Variants in SFMBT2 observed in about 807,000 individuals in gnomAD.
SFMBT2 encodes the protein scm-like with four MBT domains protein 2.
A neutral mutation model predicts 110.1 loss-of-function variants in SFMBT2; 38 were observed. That is an observed-to-expected ratio of 0.35 (90% CI 0.27 to 0.45). The LOEUF (loss-of-function observed/expected upper bound fraction) is 0.45. Among genes scored for constraint, SFMBT2 ranks in the 20% least tolerant of loss-of-function variants. The probability of loss-of-function intolerance (pLI) is 1.00; values close to 1 mark genes in which losing one functional copy is unlikely to be tolerated. For missense variants in SFMBT2, 1,011 were observed against 1,094.9 expected, an observed-to-expected ratio of 0.92 and a Z score of 1.08; for synonymous variants, 425 against 425.4, an observed-to-expected ratio of 1.00 and a Z score of 0.01.
chr10:7,173,515 A>G lies in SFMBT2; in HGVS notation c.1985-854T>C, dbSNP rs1233356895. 2.0e-5 allele frequency among the ~76,000 whole-genome samples: 3 copies of G among 152,182 alleles called. 1 individual carries two copies. The highest frequency in any genetic ancestry group is 7.2e-5 in the African/African-American group (3 of 41,430). On this transcript the variant is annotated intron_variant, in intron 17 of 20. Transcript: ENST00000397167. Reference sequence around the variant, plus strand: ...TCTCTATTACATCATTGTATACTTTATTTCCTTCTCATTTGCTGGGACTCA... The same window carrying G: ...TCTCTATTACATCATTGTATACTTTGTTTCCTTCTCATTTGCTGGGACTCA...
In SFMBT2 at chr10:7,276,265, G is replaced by A. The variant is rs549029237; in HGVS notation, c.870+627C>T. 3.3e-4 allele frequency among the ~76,000 whole-genome samples: 51 copies of A among 152,240 alleles called. No individual in the cohort carries two copies. The Middle Eastern group carries it at 0.014, about 41-fold the overall frequency. On this transcript the variant is annotated intron_variant, in intron 7 of 20. Transcript: ENST00000397167. The stretch of plus-strand genomic sequence containing the variant: ...ACCACCACGAGATGAGTCATTTTCT[G>A]TCATTTTTACTAAATGTCAAAATTA...
chr10:7,313,625 TTTTTTGTTTTTG>T (rs552314610), intron 4 of SFMBT2, among the ~76,000 whole-genome samples: 1 of 151,854 alleles, frequency 6.6e-6, no homozygotes, highest in Admixed American at 6.6e-5. Flanking sequence ...ACGATTGGGG[TTTTTTGTTTTTG>T]TTTTTGTTTT....
intron 4 of SFMBT2, among the ~76,000 whole-genome samples, chr10:7,307,889 T>A (rs963350772): frequency 6.6e-6 from 1 of 152,218 alleles, no homozygotes; most frequent in Non-Finnish European, 1.5e-5. Flanking sequence ...CCACAAACTA[T>A]TAAAAGCAAG....
intron 4 of SFMBT2, among the ~76,000 whole-genome samples, chr10:7,315,021 AGAGAG>A (rs1842952333): frequency 5.8e-5 from 8 of 138,692 alleles, no homozygotes; most frequent in African/African-American, 2.2e-4. Context: ...GAAAGAAAAG[AGAGAG>A]AAAGAAAGAA....
At chr10:7,358,483 C>A (rs1844599096) in intron 4 of SFMBT2, among the ~76,000 whole-genome samples, 1 of 141,884 alleles carries the variant, frequency 7.0e-6, no homozygotes, top group Admixed American at 7.1e-5. Flanking sequence ...CCCTAGAACA[C>A]CGGCATGGCC....
intron 1 of SFMBT2, among the ~76,000 whole-genome samples, chr10:7,400,209 A>G (rs550992473): frequency 6.6e-6 from 1 of 152,324 alleles, no homozygotes; most frequent in Admixed American, 6.5e-5. Context: ...GTACAAGGCC[A>G]CTGAAGTTCA....
intron 20 of SFMBT2, among the ~76,000 whole-genome samples, chr10:7,168,367 A>C (rs1020581181): frequency 2.0e-5 from 3 of 152,224 alleles, no homozygotes; most frequent in African/African-American, 7.2e-5. Flanking sequence ...TCTGCTCTTC[A>C]TTCAGGCCTA....
chr10:7,242,231 C>T (rs986902754), intron 9 of SFMBT2, among the ~76,000 whole-genome samples: 1 of 152,158 alleles, frequency 6.6e-6, no homozygotes, highest in African/African-American at 2.4e-5. Flanking sequence ...TCTGCTGGCA[C>T]CTGGGGACTC....
intron 4 of SFMBT2, among the ~76,000 whole-genome samples, chr10:7,339,242 T>A (rs950943624): frequency 1.3e-5 from 2 of 152,076 alleles, no homozygotes; most frequent in African/African-American, 2.4e-5. Flanking sequence ...TCCATCTCGA[T>A]GAATAAATAA....
intron 1 of SFMBT2, among the ~76,000 whole-genome samples, chr10:7,404,715 G>A (rs971902257): frequency 6.6e-6 from 1 of 152,166 alleles, no homozygotes; most frequent in Non-Finnish European, 1.5e-5. Flanking sequence ...AAGCCTAGAC[G>A]TGTCATCTCA....
intron 2 of SFMBT2, among the ~76,000 whole-genome samples, chr10:7,373,063 A>G (rs1192292806): frequency 6.6e-6 from 1 of 152,170 alleles, no homozygotes; most frequent in Non-Finnish European, 1.5e-5. Context: ...CTGATTCCCA[A>G]TGTGGCAGTG....
intron 4 of SFMBT2, chr10:7,292,185 G>A (rs1028335332): frequency 3.6e-5 from 8 of 219,896 alleles, no homozygotes; most frequent in Non-Finnish European, 6.2e-5. Flanking sequence ...GCTCACAAGA[G>A]AACCGAGCCT....
chr10:7,213,993 A>G (rs958796880), intron 11 of SFMBT2, among the ~76,000 whole-genome samples: 1 of 152,076 alleles, frequency 6.6e-6, no homozygotes, highest in South Asian at 2.1e-4. Flanking sequence ...TCTGGGGAGG[A>G]GCCAACGGTG....
chr10:7,284,240 C>A, intron 5 of SFMBT2, 90 bp from the exon 6 acceptor site: 2 of 1,538,178 alleles, frequency 1.3e-6, no homozygotes, highest in Non-Finnish European at 8.7e-7. Flanking sequence ...TATTTTTTCA[C>A]ACCATCATCC....
Position 7,205,824 on chromosome 10 carries a change from T to C in SFMBT2, c.1435A>G (p.Lys479Glu). ...ACTGGGAACCACTTACAGACTGTTT[T>C]GTGTGGTGCAGTCAAAGGATAAGAA... ...ANSYPLTAPH[K>E]TVSQKKRKIA... is the part of the protein sequence containing the mutation. The change falls in exon 12 of 21, where the codon AAA becomes GAA. Residue 479 changes from lysine (K) to glutamate (E), a missense_variant. Transcript: ENST00000397167. 6.2e-7 allele frequency: 1 copy of C among 1,614,074 alleles called. No homozygotes were observed. The highest frequency in any genetic ancestry group is 1.1e-5 in the South Asian group (1 of 91,070).
chr10:7,169,549 A>G (rs947831960), intron 20 of SFMBT2, among the ~76,000 whole-genome samples: 1 of 152,210 alleles, frequency 6.6e-6, no homozygotes, highest in Non-Finnish European at 1.5e-5. Context: ...GATTTATATG[A>G]TCTAAAAAGA....
intron 15 of SFMBT2, 142 bp downstream of exon 15, chr10:7,197,406 C>T: frequency 1.7e-6 from 2 of 1,156,264 alleles, no homozygotes; most frequent in East Asian, 2.4e-5. Context: ...CTGGCTTCAG[C>T]CCACAGGATG....
Position 7,180,779 on chromosome 10 carries a change from G to A in SFMBT2, c.1809-4614C>T, listed in dbSNP as rs534995650. ...GCATGTGGGGACAGCTGTTGGGAGG[G>A]TGAGGATACTGGAGAGACGCTGGGG... On this transcript the variant is annotated intron_variant, in intron 16 of 20. Coordinates refer to ENST00000397167, the MANE Select transcript of SFMBT2 (RefSeq NM_001387889.1). Among the ~76,000 whole-genome samples, 87 of 152,260 alleles carry A rather than the reference G, an allele frequency of 5.7e-4. No homozygotes were observed. The Middle Eastern group carries it at 0.01, about 18-fold the overall frequency.
At chr10:7,382,389 AAC>A (rs1404893948) in intron 1 of SFMBT2, among the ~76,000 whole-genome samples, 1 of 152,046 alleles carries the variant, frequency 6.6e-6, no homozygotes, top group Non-Finnish European at 1.5e-5. Flanking sequence ...CAGCCTGTGA[AAC>A]AGAGTGAGGC....
Sources: allele counts gnomAD v4.1 joint callset (sites outside exome capture counted in the v4.1 genomes callset), GRCh38; gene constraint gnomAD v4.1.1; transcripts MANE v1.5; gene names NCBI Gene and HGNC (gene_info 2026-07-23, HGNC 2026-07-21).